Variants in OSER1 observed in about 807,000 individuals in gnomAD.
OSER1 encodes the protein oxidative stress responsive serine rich 1, also known as oxidative stress-responsive serine-rich protein 1.
Under a neutral mutation model 26.3 loss-of-function variants are expected in OSER1, and 15 were observed. The ratio of observed to expected loss-of-function variants is 0.57; its 90% CI spans 0.38 to 0.88. OSER1 has a LOEUF of 0.88. Ranked by LOEUF, OSER1 falls within the 40% of genes least tolerant of loss-of-function variation. The probability of loss-of-function intolerance (pLI) is 0.00; values close to 1 mark genes in which losing one functional copy is unlikely to be tolerated. For missense variants in OSER1, 313 were observed against 353.9 expected, an observed-to-expected ratio of 0.88 and a Z score of 0.93; for synonymous variants, 127 against 128.2, an observed-to-expected ratio of 0.99 and a Z score of 0.07.
chr20:44,198,078 T>A (rs1252859924), intron 3 of OSER1, among the ~76,000 whole-genome samples: 1 of 152,184 alleles, frequency 6.6e-6, no homozygotes, highest in East Asian at 1.9e-4. Context: ...ACCTCAAACA[T>A]ACAACTGAAA....
At chr20:44,211,759 G>A (rs560628355), upstream of OSER1, among the ~76,000 whole-genome samples, 38 of 152,326 alleles carry the variant, frequency 2.5e-4, 1 homozygote, top group East Asian at 6.4e-3. Flanking sequence ...TGGTTCTGCT[G>A]ATCTAGCTGT....
chr20:44,204,574 TG>T (rs1389726310), intron 2 of OSER1, among the ~76,000 whole-genome samples: 1 of 152,202 alleles, frequency 6.6e-6, no homozygotes, highest in African/African-American at 2.4e-5. Context: ...TACACAGGAT[TG>T]TTCATGGGTA....
Position 44,208,440 on chromosome 20 carries a change from T to A in OSER1, c.-41-1442A>T, listed in dbSNP as rs1028607823. Among the ~76,000 whole-genome samples, 166 of 114,712 alleles carry A rather than the reference T, an allele frequency of 1.4e-3. 1 individual carries two copies. The highest frequency in any genetic ancestry group is 6.4e-3 in the African/African-American group (148 of 23,062). The allele number at this position is 114,712 out of a possible 152,430, so 75.3% of individuals were successfully genotyped here. ...CAGCTACTAAAAAAAAAAAAAAAAA[T>A]TCAGCCAGCCTGCACCTCAACTTCT... is the stretch of plus-strand genomic sequence containing the variant. On this transcript the variant is annotated intron_variant, in intron 1 of 3. Coordinates refer to ENST00000255174, the MANE Select transcript of OSER1 (RefSeq NM_016470.8).
chr20:44,199,555 G>T (rs1312201338), intron 3 of OSER1, among the ~76,000 whole-genome samples: 1 of 152,120 alleles, frequency 6.6e-6, no homozygotes, highest in Non-Finnish European at 1.5e-5. Flanking sequence ...TAAGTAAAAA[G>T]GTGAAAGTTC....
Position 44,197,338 on chromosome 20 carries a change from G to T in OSER1, c.593C>A (p.Thr198Lys). Residue 198 changes from threonine to lysine, a missense_variant, in exon 4 of 4, where the codon ACA becomes AAA. Physicochemically the swap from Thr to Lys is moderately conservative, Grantham distance 78 (BLOSUM62 -1). Transcript: ENST00000255174. ...ACACTGGCATTCCTTGCCTATGCAT[G>T]TGCATGGCTTGCCCTGGTTTAGCTT... ...VSKLNQGKPCTCIGKECQCKR... is the reference protein window; with the variant it reads ...VSKLNQGKPCKCIGKECQCKR... The T allele has an allele frequency of 6.2e-7, 1 of 1,614,204 alleles. No individual in the cohort carries two copies. Among genetic ancestry groups the T allele is most frequent in the Non-Finnish European group, 8.5e-7 (1 of 1,180,008 alleles).
intron 3 of OSER1, among the ~76,000 whole-genome samples, chr20:44,198,418 G>A (rs1336620081): frequency 6.6e-6 from 1 of 152,126 alleles, no homozygotes; most frequent in African/African-American, 2.4e-5. Flanking sequence ...AGGAGATTGA[G>A]ACCATCCTGG....
intron 3 of OSER1, among the ~76,000 whole-genome samples, chr20:44,200,216 A>G (rs1299225379): frequency 6.6e-6 from 1 of 152,228 alleles, no homozygotes; most frequent in Non-Finnish European, 1.5e-5. Flanking sequence ...GACTCCAACC[A>G]ATGCTGGGAT....
rs756643518 is a variant in OSER1 at position 44,196,861 on chromosome 20, T to C, written c.*191A>G. Reference sequence around the variant, plus strand: ...TTTCTTTGATCTGCTCGCCTTGAAGTGTATGTAAGAACTCAAGAGAGTAAG... The same window carrying C: ...TTTCTTTGATCTGCTCGCCTTGAAGCGTATGTAAGAACTCAAGAGAGTAAG... On this transcript the variant is annotated 3_prime_UTR_variant, in exon 4 of 4. Coordinates refer to ENST00000255174, the MANE Select transcript of OSER1 (RefSeq NM_016470.8). The C allele has an allele frequency of 1.3e-5, 7 of 548,046 alleles. No individual in the cohort carries two copies. Among genetic ancestry groups the C allele is most frequent in the East Asian group, 1.2e-4 (4 of 34,552 alleles). 33.9% of individuals were successfully genotyped at this position (548,046 alleles called of 1,614,324 possible).
At chr20:44,204,175 T>C (rs758965521) in intron 2 of OSER1, among the ~76,000 whole-genome samples, 4 of 152,202 alleles carry the variant, frequency 2.6e-5, no homozygotes, top group African/African-American at 4.8e-5. Context: ...ATCAGATAAA[T>C]AGGATATTGT....
At chr20:44,211,328 T>A (rs112451501), upstream of OSER1, 339 of 152,382 alleles carry the variant, frequency 2.2e-3, 1 homozygote, top group African/African-American at 7.9e-3. Context: ...CTCCTGGTGA[T>A]CTTTTAGGTC....
intron 2 of OSER1, among the ~76,000 whole-genome samples, chr20:44,205,303 G>A (rs964586407): frequency 6.6e-6 from 1 of 152,120 alleles, no homozygotes; most frequent in African/African-American, 2.4e-5. Flanking sequence ...AAATCACAAA[G>A]GATACACTGC....
rs1226947230 is a variant in OSER1 at position 44,197,274 on chromosome 20, G to A, written c.657C>T (p.Gly219=). 1.9e-6 allele frequency: 3 copies of A among 1,613,928 alleles called. No individual in the cohort carries two copies. In the South Asian group the frequency reaches 3.3e-5, roughly 18 times the overall value. The part of the protein sequence containing the change: ...WHDMEVYSFS[G]LQSVPPLAPE... The stretch of plus-strand genomic sequence containing the variant: ...GAGCCAAGGGAGGGACACTCTGCAG[G>A]CCTGAAAAGGAATACACTTCCATAT... The change falls in exon 4 of 4, where the codon GGC becomes GGT. Residue 219 remains glycine (G), a synonymous_variant. Coordinates refer to ENST00000255174, the MANE Select transcript of OSER1 (RefSeq NM_016470.8).
chr20:44,199,956 A>C (rs928088757), intron 3 of OSER1, among the ~76,000 whole-genome samples: 1 of 152,222 alleles, frequency 6.6e-6, no homozygotes, highest in African/African-American at 2.4e-5. Context: ...GGGCCAGCAA[A>C]TTACAGCCTG....
intron 3 of OSER1, among the ~76,000 whole-genome samples, chr20:44,199,881 G>A (rs995910933): frequency 7.2e-5 from 11 of 152,194 alleles, no homozygotes; most frequent in African/African-American, 2.7e-4. Context: ...GATAAGAGGG[G>A]ACTTGTACAC....
rs766181944 is a variant in OSER1, at chr20:44,197,291, C to T, written c.640G>A (p.Val214Met). The T allele has an allele frequency of 6.2e-7, 1 of 1,614,060 alleles. No homozygotes were observed. The highest frequency in any genetic ancestry group is 8.5e-7 in the Non-Finnish European group (1 of 1,179,860). The part of the protein sequence containing the change: ...CQCKRWHDME[V>M]YSFSGLQSVP... ...CTCTGCAGGCCTGAAAAGGAATACACTTCCATATCATGCCATCTCTTACAC... is the reference window on the plus strand; with the variant it reads ...CTCTGCAGGCCTGAAAAGGAATACATTTCCATATCATGCCATCTCTTACAC... Residue 214 changes from valine (V) to methionine (M), a missense_variant, in exon 4 of 4, where the codon GTG becomes ATG. By Grantham distance (21) the Val-to-Met change is conservative. Transcript: ENST00000255174.
rs140533765 is a variant in OSER1 at position 44,200,070 on chromosome 20, C to T, written c.192-2331G>A. Reference sequence around the variant, plus strand: ...ACCAGGCTAGGGGATCCTCCCCTGTCCCTATTCTCCCTGCCCGCCTTCCTG... The same window carrying T: ...ACCAGGCTAGGGGATCCTCCCCTGTTCCTATTCTCCCTGCCCGCCTTCCTG... On this transcript the variant is annotated intron_variant, in intron 3 of 3. Coordinates refer to ENST00000255174, the MANE Select transcript of OSER1 (RefSeq NM_016470.8). Among the ~76,000 whole-genome samples, 25 of 152,322 alleles carry T rather than the reference C, an allele frequency of 1.6e-4. No homozygotes were observed. The East Asian group carries it at 4.8e-3, about 29-fold the overall frequency.
intron 2 of OSER1, among the ~76,000 whole-genome samples, chr20:44,206,294 G>GA (rs2073037233): frequency 6.6e-6 from 1 of 152,178 alleles, no homozygotes; most frequent in Non-Finnish European, 1.5e-5. Flanking sequence ...TGGCCTGGGA[G>GA]AAAGAATTGG....
chr20:44,200,676 A>G (rs1253317740), intron 3 of OSER1, among the ~76,000 whole-genome samples: 1 of 152,202 alleles, frequency 6.6e-6, no homozygotes, highest in Non-Finnish European at 1.5e-5. Flanking sequence ...AGACATAATG[A>G]CCAAGAAATT....
At chr20:44,206,618 G>A (rs1041526631) in intron 2 of OSER1, among the ~76,000 whole-genome samples, 5 of 152,184 alleles carry the variant, frequency 3.3e-5, no homozygotes, top group African/African-American at 9.7e-5. Flanking sequence ...AGAAGTGGGG[G>A]GGAAGCCCTC....
Sources: allele counts gnomAD v4.1 joint callset (sites outside exome capture counted in the v4.1 genomes callset), GRCh38; gene constraint gnomAD v4.1.1; transcripts MANE v1.5; gene names NCBI Gene and HGNC (gene_info 2026-07-23, HGNC 2026-07-21).